Variants in AUTS2 observed in about 807,000 individuals in gnomAD.
AUTS2 encodes autism susceptibility gene 2 protein.
Under a neutral mutation model 112.4 loss-of-function variants are expected in AUTS2, and 17 were observed. The observed-to-expected ratio is 0.15, with a 90% CI of 0.10 to 0.23. AUTS2 has a LOEUF of 0.23. AUTS2 is among the 10% of genes least tolerant of loss of function. The pLI, the probability that AUTS2 is intolerant of heterozygous loss-of-function variation, is 1.00. For synonymous variants in AUTS2, 751 were observed against 702.7 expected (o/e 1.07, Z -1.09); for missense variants, 1,510 against 1,701.6 (o/e 0.89, Z 1.98).
At chr7:70,348,788 G>A (rs1791619553) in intron 4 of AUTS2, among the ~76,000 whole-genome samples, 1 of 152,194 alleles carries the variant, frequency 6.6e-6, no homozygotes, top group Non-Finnish European at 1.5e-5. Flanking sequence ...TCCAGCCTGG[G>A]CGACAGAGCG....
intron 1 of AUTS2, among the ~76,000 whole-genome samples, chr7:69,611,232 G>A (rs1793015804): frequency 6.6e-6 from 1 of 152,164 alleles, no homozygotes; most frequent in Admixed American, 6.5e-5. Flanking sequence ...GACTCCCTTA[G>A]CATATGAGGC....
At chr7:70,246,790 G>A (rs1812945602) in intron 4 of AUTS2, among the ~76,000 whole-genome samples, 1 of 151,776 alleles carries the variant, frequency 6.6e-6, no homozygotes, top group African/African-American at 2.4e-5. Flanking sequence ...AGAAGGAATT[G>A]GCATCTTTAT....
At chr7:70,478,396 T>C (rs1161704607) in intron 5 of AUTS2, among the ~76,000 whole-genome samples, 2 of 152,178 alleles carry the variant, frequency 1.3e-5, no homozygotes, top group South Asian at 2.1e-4. Context: ...CTTTGACAGA[T>C]GTGTTTCCTA....
rs56728110 is a variant in AUTS2, at chr7:69,870,448, A to AATATATATATATGTGTATATATAT, written c.310-28826_310-28825insGTGTATATATATATATATATATAT. On this transcript the variant is annotated intron_variant, in intron 1 of 18. Transcript: ENST00000342771. The stretch of plus-strand genomic sequence containing the variant: ...TACATATCTGTGCGTATGTGTGTGT[A>AATATATATATATGTGTATATATAT]ATATATATATATATATATGTATTCA... 5.1e-5 allele frequency among the ~76,000 whole-genome samples: 4 copies of AATATATATATATGTGTATATATAT among 78,964 alleles called. No individual in the cohort carries two copies. The East Asian group carries it at 1.6e-3, about 32-fold the overall frequency. The allele number at this position is 78,964 out of a possible 152,430, so 51.8% of individuals were successfully genotyped here.
In AUTS2 at chr7:70,551,369, G is replaced by A. The variant is rs143449371; in HGVS notation, c.690+115588G>A. Among the ~76,000 whole-genome samples the A allele has an allele frequency of 1.8e-3, 267 of 152,152 alleles. 1 individual carries two copies. The highest frequency in any genetic ancestry group is 6.2e-3 in the African/African-American group (256 of 41,514). On this transcript the variant is annotated intron_variant, in intron 5 of 18. Transcript: ENST00000342771. The stretch of plus-strand genomic sequence containing the variant: ...AGAGACCTTCAACCTGGTGACCAAG[G>A]ACAATATCAGTAGTCACAAATCACA...
chr7:70,337,849 T>C (rs1046743389), intron 4 of AUTS2, among the ~76,000 whole-genome samples: 7 of 152,376 alleles, frequency 4.6e-5, no homozygotes, highest in Admixed American at 4.6e-4. Context: ...GAGGCCTTGC[T>C]CTCTGCCTCA....
intron 1 of AUTS2, among the ~76,000 whole-genome samples, chr7:69,895,175 A>G (rs934364024): frequency 2.6e-5 from 4 of 152,104 alleles, no homozygotes; most frequent in Non-Finnish European, 5.9e-5. Context: ...GTGACTGTTG[A>G]TAAGATGATT....
At chr7:69,671,519 G>GTGTGTGTGTC (rs1796327479) in intron 1 of AUTS2, among the ~76,000 whole-genome samples, 5 of 149,644 alleles carry the variant, frequency 3.3e-5, no homozygotes, top group Non-Finnish European at 7.5e-5. Flanking sequence ...GTGTGTGTGT[G>GTGTGTGTGTC]TGTGTCTGTG....
chr7:70,752,060 C>CA (rs11398153), intron 6 of AUTS2, among the ~76,000 whole-genome samples: 3 of 151,638 alleles, frequency 2.0e-5, no homozygotes, highest in Admixed American at 6.6e-5. Flanking sequence ...TGTGCTTGGG[C>CA]TGTGTATGTG....
At chr7:70,657,090 G>A (rs561018500) in intron 5 of AUTS2, among the ~76,000 whole-genome samples, 2 of 152,188 alleles carry the variant, frequency 1.3e-5, no homozygotes, top group Non-Finnish European at 1.5e-5. Flanking sequence ...TTTTCTGATG[G>A]CATTTTGCAG....
intron 5 of AUTS2, among the ~76,000 whole-genome samples, chr7:70,698,148 G>A (rs1809232862): frequency 6.6e-6 from 1 of 152,104 alleles, no homozygotes; most frequent in Admixed American, 6.5e-5. Context: ...GAAAAGCTTA[G>A]CATTAAATAA....
At chr7:69,900,338 G>A (rs1320819684) in intron 2 of AUTS2, among the ~76,000 whole-genome samples, 1 of 152,200 alleles carries the variant, frequency 6.6e-6, no homozygotes, top group Admixed American at 6.5e-5. Context: ...AGAAAGCAGA[G>A]GAAGGAATTG....
chr7:69,789,712 A>T (rs565389686), intron 1 of AUTS2, among the ~76,000 whole-genome samples: 1 of 152,224 alleles, frequency 6.6e-6, no homozygotes, highest in South Asian at 2.1e-4. Context: ...ATTTCAGAGT[A>T]CGTTAAGATT....
chr7:69,790,219 A>G (rs1789555062), intron 1 of AUTS2, among the ~76,000 whole-genome samples: 1 of 152,174 alleles, frequency 6.6e-6, no homozygotes, highest in South Asian at 2.1e-4. Flanking sequence ...TGAGCCCTGG[A>G]GGTCAATGCT....
intron 2 of AUTS2, among the ~76,000 whole-genome samples, chr7:69,973,240 A>G (rs574011357): frequency 2.0e-5 from 3 of 152,362 alleles, no homozygotes; most frequent in Admixed American, 6.5e-5. Context: ...GCATATTGTT[A>G]GTATACAGAA....
At chr7:70,479,637 G>GA (rs11317602) in intron 5 of AUTS2, among the ~76,000 whole-genome samples, 43 of 150,358 alleles carry the variant, frequency 2.9e-4, no homozygotes, top group Non-Finnish European at 4.9e-4. Flanking sequence ...TGTAGTACCT[G>GA]AAAAAAAAAA....
chr7:70,399,624 G>C (rs1466743603), intron 4 of AUTS2, among the ~76,000 whole-genome samples: 1 of 152,110 alleles, frequency 6.6e-6, no homozygotes, highest in Non-Finnish European at 1.5e-5. Context: ...CTCACCTTTA[G>C]TGAGTGTCTA....
At chr7:70,780,963 A>G (rs1469967803) in intron 14 of AUTS2, among the ~76,000 whole-genome samples, 1 of 152,176 alleles carries the variant, frequency 6.6e-6, no homozygotes, top group East Asian at 1.9e-4. Flanking sequence ...ATTATTTTAA[A>G]CCTTACTAAA....
chr7:69,704,489 A>G (rs547601442), intron 1 of AUTS2, among the ~76,000 whole-genome samples: 36 of 152,196 alleles, frequency 2.4e-4, no homozygotes, highest in South Asian at 2.1e-3. Flanking sequence ...CGTGCTAACC[A>G]GGATGGTCTT....
Sources: gnomAD v4.1 joint callset for allele counts (sites outside exome capture counted in the v4.1 genomes callset) on GRCh38, gnomAD v4.1.1 for gene constraint, MANE v1.5 for transcripts, NCBI Gene and HGNC (gene_info 2026-07-23, HGNC 2026-07-21) for gene names.